PTPRK: variants seen among roughly 807,000 people sequenced by gnomAD.
PTPRK encodes the protein receptor-type tyrosine-protein phosphatase kappa.
Under a neutral mutation model 178.0 loss-of-function variants are expected in PTPRK, and 75 were observed. That is an observed-to-expected ratio of 0.42 (90% confidence interval 0.35 to 0.51). The LOEUF (loss-of-function observed/expected upper bound fraction) is 0.51, where lower values mean the gene tolerates loss of function less well. Ranked by LOEUF, PTPRK falls within the 20% of genes least tolerant of loss-of-function variation. The pLI, the probability that PTPRK is intolerant of heterozygous loss-of-function variation, is 0.02. For missense variants in PTPRK, 1,441 were observed against 1,797.8 expected (o/e 0.80, Z 3.59); for synonymous variants, 637 against 620.6 (o/e 1.03, Z -0.39).
chr6:128,210,155 G>T (rs928017972), intron 6 of PTPRK, among the ~76,000 whole-genome samples: 2 of 152,100 alleles, frequency 1.3e-5, no homozygotes, highest in East Asian at 1.9e-4. Flanking sequence ...ATAAAGAAAA[G>T]TGTGGGGCAT....
intron 17 of PTPRK, 85 bp downstream of exon 17, chr6:127,996,816 C>A: frequency 6.8e-7 from 1 of 1,463,924 alleles, no homozygotes; most frequent in Non-Finnish European, 9.2e-7. Context: ...TAAACAGACA[C>A]ACCACTCTCT....
At chr6:128,120,073 T>C (rs1245919351) in intron 7 of PTPRK, among the ~76,000 whole-genome samples, 1 of 151,970 alleles carries the variant, frequency 6.6e-6, no homozygotes, top group East Asian at 1.9e-4. Context: ...GAAAGAAATG[T>C]TGTTAACTAA....
At chr6:128,447,678 G>A (rs935653717) in intron 1 of PTPRK, among the ~76,000 whole-genome samples, 1 of 151,222 alleles carries the variant, frequency 6.6e-6, no homozygotes, top group Non-Finnish European at 1.5e-5. Context: ...AGGCTGGAGT[G>A]CAATGGCACG....
intron 1 of PTPRK, among the ~76,000 whole-genome samples, chr6:128,470,784 C>G (rs1228743547): frequency 7.0e-6 from 1 of 142,858 alleles, no homozygotes; most frequent in Non-Finnish European, 1.5e-5. Flanking sequence ...GGCTAAGAAG[C>G]CTTTCCTGCA....
intron 5 of PTPRK, chr6:128,232,163 A>G (rs1448872941): frequency 6.6e-6 from 1 of 152,268 alleles, no homozygotes; most frequent in Non-Finnish European, 1.5e-5. Flanking sequence ...GTCCCCACAC[A>G]TACACACGAC....
At chr6:128,001,865 G>A (rs1380483719) in intron 15 of PTPRK, among the ~76,000 whole-genome samples, 1 of 151,772 alleles carries the variant, frequency 6.6e-6, no homozygotes, top group East Asian at 1.9e-4. Context: ...TATTTTAATT[G>A]AAATTTATTT....
intron 2 of PTPRK, among the ~76,000 whole-genome samples, chr6:128,341,965 A>T (rs1242130386): frequency 2.0e-5 from 3 of 152,204 alleles, no homozygotes; most frequent in Non-Finnish European, 4.4e-5. Flanking sequence ...ATAAGAAGGT[A>T]TATACGGCCA....
At chr6:128,362,656 C>T (rs944423648) in intron 2 of PTPRK, among the ~76,000 whole-genome samples, 2 of 152,132 alleles carry the variant, frequency 1.3e-5, no homozygotes, top group South Asian at 4.1e-4. Context: ...CTAGTTTTCA[C>T]CTTTAAAAAG....
At chr6:128,518,906 G>A (rs1321866876) in intron 1 of PTPRK, 4 of 451,152 alleles carry the variant, frequency 8.9e-6, no homozygotes, top group Admixed American at 2.7e-5. Flanking sequence ...GAGAGCAATG[G>A]AAGGGAAATA....
At chr6:127,978,691 T>A (rs997005711) in intron 25 of PTPRK, among the ~76,000 whole-genome samples, 4 of 152,190 alleles carry the variant, frequency 2.6e-5, no homozygotes, top group African/African-American at 9.7e-5. Context: ...CTACTCATTT[T>A]TTGAGCCACA....
At position 128,196,364 on chromosome 6, in the gene PTPRK, A is replaced by G. The variant is rs78693203; in HGVS notation, c.869-11639T>C. Among the ~76,000 whole-genome samples the G allele has an allele frequency of 9.3e-3, 1,410 of 152,232 alleles. 21 individuals are homozygous for G. Among genetic ancestry groups the G allele is most frequent in the African/African-American group, 0.032 (1,330 of 41,560 alleles). The stretch of plus-strand genomic sequence containing the variant: ...AATAGATGGAAGCTGAAGGTTGGCA[A>G]TAATTATAGACCCATCTGATAAAAT... On this transcript the variant is annotated intron_variant, in intron 6 of 29. Coordinates refer to ENST00000368226, the MANE Select transcript of PTPRK (RefSeq NM_002844.4).
intron 3 of PTPRK, among the ~76,000 whole-genome samples, chr6:128,243,330 A>C (rs1243896535): frequency 6.6e-6 from 1 of 151,784 alleles, no homozygotes; most frequent in Non-Finnish European, 1.5e-5. Flanking sequence ...AGTTATAGTC[A>C]ATAGCAAAGC....
At chr6:128,311,558 C>G (rs1398082217) in intron 3 of PTPRK, among the ~76,000 whole-genome samples, 2 of 152,098 alleles carry the variant, frequency 1.3e-5, no homozygotes, top group African/African-American at 4.8e-5. Context: ...ACAGTATGAT[C>G]GTTCTCATTT....
rs1391968006 is a variant in PTPRK at position 128,019,330 on chromosome 6, T to C, written c.2195-10062A>G. On this transcript the variant is annotated intron_variant, in intron 13 of 29. Transcript: ENST00000368226. Reference sequence around the variant, plus strand: ...TAGGAGTAATGTTTAACACTGCCTTTTCAAAACATGGGGGTGAGGTGGGGG... The same window carrying C: ...TAGGAGTAATGTTTAACACTGCCTTCTCAAAACATGGGGGTGAGGTGGGGG... Among the ~76,000 whole-genome samples the C allele has an allele frequency of 3.9e-5, 6 of 152,126 alleles. No individual in the cohort carries two copies. In the East Asian group the frequency reaches 1.2e-3, roughly 29 times the overall value.
chr6:128,059,910 GAAATATT>G (rs1780529530), intron 13 of PTPRK, among the ~76,000 whole-genome samples: 1 of 152,070 alleles, frequency 6.6e-6, no homozygotes, highest in South Asian at 2.1e-4. Context: ...TTAAAGCAAA[GAAATATT>G]TAACTTCCAT....
At chr6:128,222,256 T>C (rs1810548026) in intron 5 of PTPRK, among the ~76,000 whole-genome samples, 1 of 152,216 alleles carries the variant, frequency 6.6e-6, no homozygotes, top group Admixed American at 6.5e-5. Flanking sequence ...CTTTTCACCT[T>C]TATTGGCATT....
intron 2 of PTPRK, among the ~76,000 whole-genome samples, chr6:128,328,089 C>G (rs1260877865): frequency 6.6e-6 from 1 of 152,208 alleles, no homozygotes; most frequent in Non-Finnish European, 1.5e-5. Context: ...ATGCACACAG[C>G]TCCGTCCACT....
chr6:128,200,113 C>T lies in PTPRK; in HGVS notation c.869-15388G>A, dbSNP rs1805645263. Among the ~76,000 whole-genome samples, 4 of 152,196 alleles carry T rather than the reference C, an allele frequency of 2.6e-5. No individual in the cohort carries two copies. The South Asian group carries it at 8.3e-4, about 31-fold the overall frequency. On this transcript the variant is annotated intron_variant, in intron 6 of 29. Coordinates refer to ENST00000368226, the MANE Select transcript of PTPRK (RefSeq NM_002844.4). Reference sequence around the variant, plus strand: ...ATTCATCTATATATGATGGTTCATACATTTCCCAGAGCATCTCTCTATTAT... The same window carrying T: ...ATTCATCTATATATGATGGTTCATATATTTCCCAGAGCATCTCTCTATTAT...
chr6:128,493,547 C>T (rs1168450800), intron 1 of PTPRK, among the ~76,000 whole-genome samples: 1 of 137,686 alleles, frequency 7.3e-6, no homozygotes, highest in Non-Finnish European at 1.5e-5. Flanking sequence ...GGTGAAAGAG[C>T]GAGACTCCGT....
Sources: allele counts gnomAD v4.1 joint callset (sites outside exome capture counted in the v4.1 genomes callset), GRCh38; gene constraint gnomAD v4.1.1; transcripts MANE v1.5; gene names NCBI Gene and HGNC (gene_info 2026-07-23, HGNC 2026-07-21).